The following PDIA4 variants were observed in gnomAD, a reference collection of about 807,000 sequenced individuals.
PDIA4 encodes the protein protein disulfide-isomerase A4.
In PDIA4, 33 loss-of-function variants were observed where a neutral mutation model predicts 62.1. The ratio of observed to expected loss-of-function variants is 0.53; its 90% confidence interval spans 0.40 to 0.71. The LOEUF is 0.71. Among genes scored for constraint, PDIA4 ranks in the 30% least tolerant of loss-of-function variants. The pLI is 0.00. For missense variants in PDIA4, 804 were observed against 813.6 expected (o/e 0.99, Z 0.14); for synonymous variants, 341 against 324.1 (o/e 1.05, Z -0.56).
At chr7:149,007,510 C>T (rs1470899394) in intron 7 of PDIA4, among the ~76,000 whole-genome samples, 2 of 152,008 alleles carry the variant, frequency 1.3e-5, no homozygotes, top group Non-Finnish European at 2.9e-5. Flanking sequence ...AACTCGACAT[C>T]TAAGATCCTT....
rs1823599740 is a variant in PDIA4 at position 149,003,127 on chromosome 7, G to A, written c.*667C>T. The A allele has an allele frequency of 1.2e-5, 2 of 169,364 alleles. No homozygotes were observed. Among genetic ancestry groups the A allele is most frequent in the Non-Finnish European group, 2.9e-5 (2 of 68,444 alleles). The allele number at this position is 169,364 out of a possible 1,614,324, so 10.5% of individuals were successfully genotyped here. A position where few individuals can be genotyped will look rare whatever the true frequency, so the allele number is the denominator to read the frequency against. On this transcript the variant is annotated 3_prime_UTR_variant, in exon 10 of 10. Transcript: ENST00000652332. ...ACTCTACCTTTTCTACCACCCCGCA[G>A]TATCTGCCTCTGGGTCCAGGGTCCT...
At chr7:149,007,865 C>T (rs1360328428) in intron 7 of PDIA4, among the ~76,000 whole-genome samples, 2 of 152,258 alleles carry the variant, frequency 1.3e-5, no homozygotes, top group African/African-American at 4.8e-5. Flanking sequence ...CTGGTGATTG[C>T]CTGCCAGGAG....
Position 149,008,277 on chromosome 7 carries a change from T to C in PDIA4, c.1013A>G (p.His338Arg), listed in dbSNP as rs143080327. ...NNLREDYKFH[H>R]TFSTEIAKFL... Reference sequence around the variant, plus strand: ...CTTTGCTATTTCTGTGCTGAAAGTGTGGTGAAATTTGTAATCTTCTCTCAG... The same window carrying C: ...CTTTGCTATTTCTGTGCTGAAAGTGCGGTGAAATTTGTAATCTTCTCTCAG... The change falls in exon 7 of 10, where the codon CAC becomes CGC. Residue 338 changes from histidine to arginine, a missense_variant. His to Arg is a conservative substitution (Grantham distance 29). Transcript: ENST00000652332. The C allele has an allele frequency of 2.5e-5, 41 of 1,613,834 alleles. No individual in the cohort carries two copies. Among genetic ancestry groups the C allele is most frequent in the Non-Finnish European group, 3.3e-5 (39 of 1,179,926 alleles).
chr7:149,011,077 T>C (rs1015641352), intron 6 of PDIA4, among the ~76,000 whole-genome samples: 2 of 152,252 alleles, frequency 1.3e-5, no homozygotes, highest in African/African-American at 4.8e-5. Flanking sequence ...TTATGCACAA[T>C]TGTTATTGTA....
At chr7:149,026,126 G>A (rs1824546130) in intron 1 of PDIA4, among the ~76,000 whole-genome samples, 1 of 152,118 alleles carries the variant, frequency 6.6e-6, no homozygotes, top group Non-Finnish European at 1.5e-5. Context: ...AACACTTGAG[G>A]GGTGAGGTAG....
chr7:149,018,218 G>C (rs1027458521), intron 3 of PDIA4, among the ~76,000 whole-genome samples: 3 of 151,248 alleles, frequency 2.0e-5, no homozygotes, highest in Non-Finnish European at 4.4e-5. Context: ...AACAGAGTGA[G>C]ACTAAGTCTC....
chr7:149,020,692 T>C (rs1824312098), intron 2 of PDIA4, among the ~76,000 whole-genome samples: 1 of 152,184 alleles, frequency 6.6e-6, no homozygotes, highest in Non-Finnish European at 1.5e-5. Context: ...GCTTGTTAAA[T>C]GCCCGTCCCC....
At chr7:149,027,517 G>C (rs1042488421) in intron 1 of PDIA4, among the ~76,000 whole-genome samples, 1 of 152,186 alleles carries the variant, frequency 6.6e-6, no homozygotes, top group Admixed American at 6.5e-5. Flanking sequence ...GAGGAAGAAG[G>C]TAAAGACCAG....
At chr7:149,028,037 C>CA (rs1433913492) in intron 1 of PDIA4, 3 of 625,494 alleles carry the variant, frequency 4.8e-6, no homozygotes, top group Non-Finnish European at 9.2e-6. Flanking sequence ...AGGCGCTCTG[C>CA]AGCCCTCTCC....
intron 7 of PDIA4, among the ~76,000 whole-genome samples, 161 bp downstream of exon 7, chr7:149,007,998 T>G (rs1823819579): frequency 6.6e-6 from 1 of 152,230 alleles, no homozygotes. Flanking sequence ...ACAGGCCGCC[T>G]GCAGAAAACC....
At chr7:149,021,501 A>C (rs1487073755) in intron 1 of PDIA4, among the ~76,000 whole-genome samples, 2 of 151,580 alleles carry the variant, frequency 1.3e-5, no homozygotes, top group East Asian at 3.9e-4. Flanking sequence ...AAAAAAAAAA[A>C]AAAAAAAAAA....
rs1824325346 is a variant in PDIA4, at chr7:149,020,949, T to C, written c.269+18A>G. 4 of 1,611,926 alleles carry C rather than the reference T, an allele frequency of 2.5e-6. No homozygotes were observed. The highest frequency in any genetic ancestry group is 3.4e-6 in the Non-Finnish European group (4 of 1,178,416). ...CACAGCGCTTGTCCACCTGCAGAAA[T>C]TAGAACGCGGTCCTTACCATGGAGC... On this transcript the variant is annotated intron_variant, in intron 2 of 9. Coordinates refer to ENST00000652332, the MANE Select transcript of PDIA4 (RefSeq NM_004911.5).
At chr7:149,021,726 G>A (rs1230258741) in intron 1 of PDIA4, among the ~76,000 whole-genome samples, 1 of 152,102 alleles carries the variant, frequency 6.6e-6, no homozygotes, top group Non-Finnish European at 1.5e-5. Context: ...AAGTTGGAGG[G>A]CAGCACAGAC....
chr7:149,015,581 T>G (rs111675424), intron 3 of PDIA4, among the ~76,000 whole-genome samples: 47 of 151,858 alleles, frequency 3.1e-4, no homozygotes, highest in Non-Finnish European at 1.2e-4. Context: ...AGAAGGCTTT[T>G]AAAAAATGCC....
chr7:149,008,347 T>C (rs201126155), intron 6 of PDIA4, 37 bp from the exon 7 acceptor site: 34 of 1,592,918 alleles, frequency 2.1e-5, no homozygotes, highest in Admixed American at 8.6e-5. Flanking sequence ...ATTTTGAAAA[T>C]TGCCTAAATG....
chr7:149,004,672 C>T (rs1292033716), intron 9 of PDIA4, among the ~76,000 whole-genome samples: 2 of 152,198 alleles, frequency 1.3e-5, no homozygotes, highest in African/African-American at 4.8e-5. Flanking sequence ...GGTGAAGAGG[C>T]TCTGAGTCAG....
chr7:149,014,578 A>C (rs1824064840), intron 4 of PDIA4, among the ~76,000 whole-genome samples: 1 of 152,002 alleles, frequency 6.6e-6, no homozygotes, highest in Admixed American at 6.6e-5. Flanking sequence ...CCCATGAAGC[A>C]GCCACCTCAG....
At chr7:149,028,097 C>T in intron 1 of PDIA4, 3 of 601,884 alleles carry the variant, frequency 5.0e-6, no homozygotes, top group Middle Eastern at 3.9e-4. Flanking sequence ...CAAGAGACCC[C>T]GGCCACCTTC....
chr7:149,028,372 A>G lies in PDIA4; in HGVS notation c.37T>C (p.Leu13=), dbSNP rs962246076. Residue 13 remains leucine, a synonymous_variant, in exon 1 of 10, where the codon TTG becomes CTG. Coordinates refer to ENST00000652332, the MANE Select transcript of PDIA4 (RefSeq NM_004911.5). ...PRKAFLLLLL[L]GLVQLLAVAG... ...ACGGCCAGCAGCTGCACCAGCCCCA[A>G]GAGCAGCAGGAGCAGGAAGGCTTTC... The G allele has an allele frequency of 3.5e-4, 535 of 1,526,438 alleles. No individual in the cohort carries two copies. Among genetic ancestry groups the G allele is most frequent in the Non-Finnish European group, 4.6e-4 (521 of 1,138,148 alleles). The allele number at this position is 1,526,438 out of a possible 1,614,324, so 94.6% of individuals were successfully genotyped here.
Sources: allele counts gnomAD v4.1 joint callset (sites outside exome capture counted in the v4.1 genomes callset), GRCh38; gene constraint gnomAD v4.1.1; transcripts MANE v1.5; gene names NCBI Gene and HGNC (gene_info 2026-07-23, HGNC 2026-07-21).